The following ADGRL3 variants were observed in gnomAD, a reference collection of about 807,000 sequenced individuals.
ADGRL3 encodes calcium-independent alpha-latrotoxin receptor 3.
A neutral mutation model predicts 153.5 loss-of-function variants in ADGRL3; 62 were observed. That is an observed-to-expected ratio of 0.40 (90% CI 0.33 to 0.50). The LOEUF is 0.50. ADGRL3 is among the 20% of genes least tolerant of loss of function. The probability of loss-of-function intolerance (pLI) is 0.47; values close to 1 mark genes in which losing one functional copy is unlikely to be tolerated. For missense variants in ADGRL3, 1,641 were observed against 1,859.4 expected, an observed-to-expected ratio of 0.88 and a Z score of 2.16; for synonymous variants, 710 against 672.5, an observed-to-expected ratio of 1.06 and a Z score of -0.86.
intron 2 of ADGRL3, among the ~76,000 whole-genome samples, chr4:61,488,505 A>C (rs2098221929): frequency 6.6e-6 from 1 of 152,000 alleles, no homozygotes. Flanking sequence ...AGGGTATTGC[A>C]GGGAAGAAAT....
At chr4:61,203,912 A>T (rs546215175) in intron 1 of ADGRL3, among the ~76,000 whole-genome samples, 1 of 15,798 alleles carries the variant, frequency 6.3e-5, no homozygotes, top group African/African-American at 2.1e-4. Flanking sequence ...TGTTTCACCC[A>T]ATCTTTTTTT....
At chr4:61,305,100 G>T (rs1212082650) in intron 1 of ADGRL3, among the ~76,000 whole-genome samples, 1 of 151,842 alleles carries the variant, frequency 6.6e-6, no homozygotes, top group African/African-American at 2.4e-5. Flanking sequence ...TCATAAGCCT[G>T]GTGCCTTGCA....
In ADGRL3 at chr4:62,074,643, C is replaced by G; in HGVS notation, c.*3735C>G. The stretch of plus-strand genomic sequence containing the variant: ...TGACAGAACAATTATCTTGAAGTAA[C>G]AATAATCAGGAAAATATCTAACAAA... On this transcript the variant is annotated 3_prime_UTR_variant, in exon 27 of 27. Transcript: ENST00000683033. The G allele has an allele frequency of 6.6e-6, 1 of 151,924 alleles. No individual in the cohort carries two copies. The highest frequency in any genetic ancestry group is 1.5e-5 in the Non-Finnish European group (1 of 67,966). 9.4% of individuals were successfully genotyped at this position (151,924 alleles called of 1,614,324 possible). A position where few individuals can be genotyped will look rare whatever the true frequency, so the allele number is the denominator to read the frequency against.
At chr4:61,394,434 G>A (rs900946747) in intron 2 of ADGRL3, among the ~76,000 whole-genome samples, 1 of 151,914 alleles carries the variant, frequency 6.6e-6, no homozygotes. Flanking sequence ...GCAGTGCCCT[G>A]AGCACTGATG....
intron 10 of ADGRL3, among the ~76,000 whole-genome samples, chr4:61,895,466 A>AAATAAT (rs10603633): frequency 3.4e-4 from 51 of 148,272 alleles, no homozygotes; most frequent in South Asian, 8.7e-4. Flanking sequence ...ACTCCATCTC[A>AAATAAT]AATAATAATA....
chr4:61,435,398 T>C lies in ADGRL3; in HGVS notation c.-174+52209T>C, dbSNP rs116377344. ...AGTAAAAGTAAAGGTCTCTTCCTAA[T>C]CCTCTGCTTAAATTTGAACTTCCAC... On this transcript the variant is annotated intron_variant, in intron 2 of 26. Transcript: ENST00000683033. Among the ~76,000 whole-genome samples the C allele has an allele frequency of 2.2e-3, 330 of 152,166 alleles. 4 individuals carry two copies. The highest frequency in any genetic ancestry group is 7.6e-3 in the African/African-American group (316 of 41,554).
intron 1 of ADGRL3, among the ~76,000 whole-genome samples, chr4:61,295,027 A>G (rs1317989091): frequency 6.6e-6 from 1 of 152,160 alleles, no homozygotes; most frequent in South Asian, 2.1e-4. Flanking sequence ...AATTCCAGAA[A>G]TAAACAATTC....
intron 4 of ADGRL3, among the ~76,000 whole-genome samples, chr4:61,545,955 C>G (rs1416422287): frequency 6.6e-6 from 1 of 152,188 alleles, no homozygotes; most frequent in Non-Finnish European, 1.5e-5. Flanking sequence ...TGTGGGTCCT[C>G]TTAGTTTAAT....
chr4:61,719,113 C>T (rs2096184776), intron 6 of ADGRL3, among the ~76,000 whole-genome samples: 1 of 152,054 alleles, frequency 6.6e-6, no homozygotes, highest in African/African-American at 2.4e-5. Flanking sequence ...TTATTATTTC[C>T]TTTGTCAACT....
chr4:61,790,960 T>C (rs969912846), intron 8 of ADGRL3, among the ~76,000 whole-genome samples: 5 of 152,124 alleles, frequency 3.3e-5, no homozygotes, highest in African/African-American at 1.2e-4. Flanking sequence ...ACCCCCATGA[T>C]TCAGTTACCT....
At chr4:61,567,657 A>G (rs546098280) in intron 4 of ADGRL3, among the ~76,000 whole-genome samples, 1 of 152,270 alleles carries the variant, frequency 6.6e-6, no homozygotes, top group Non-Finnish European at 1.5e-5. Flanking sequence ...TAGTAGCCCA[A>G]AGAGACTAGG....
At chr4:61,710,990 T>C (rs2151464771) in intron 6 of ADGRL3, among the ~76,000 whole-genome samples, 1 of 152,320 alleles carries the variant, frequency 6.6e-6, no homozygotes, top group Non-Finnish European at 1.5e-5. Flanking sequence ...TAATAAATTT[T>C]CCACTTTGAT....
intron 6 of ADGRL3, among the ~76,000 whole-genome samples, chr4:61,729,564 A>G (rs528538184): frequency 2.6e-5 from 4 of 152,014 alleles, no homozygotes; most frequent in South Asian, 4.2e-4. Context: ...CATCTCTTCC[A>G]CTGAAATTGC....
chr4:61,844,511 C>A (rs2098083659), intron 9 of ADGRL3, among the ~76,000 whole-genome samples: 1 of 123,318 alleles, frequency 8.1e-6, no homozygotes, highest in Admixed American at 9.9e-5. Flanking sequence ...CATGCCATTG[C>A]ACTCCAGCCT....
At chr4:61,551,550 G>A (rs1302759149) in intron 4 of ADGRL3, among the ~76,000 whole-genome samples, 1 of 152,146 alleles carries the variant, frequency 6.6e-6, no homozygotes, top group Non-Finnish European at 1.5e-5. Context: ...TATACAAGCT[G>A]TGATTACATT....
intron 4 of ADGRL3, among the ~76,000 whole-genome samples, chr4:61,574,072 A>C (rs1271006652): frequency 6.6e-6 from 1 of 151,942 alleles, no homozygotes; most frequent in Non-Finnish European, 1.5e-5. Flanking sequence ...GGCCTTTGTC[A>C]CTCAACCTGT....
chr4:61,874,789 C>CTTTTTTTT (rs11432355), intron 9 of ADGRL3, among the ~76,000 whole-genome samples: 25 of 61,550 alleles, frequency 4.1e-4, no homozygotes, highest in East Asian at 6.3e-4. Flanking sequence ...TCAAAATGCT[C>CTTTTTTTT]TTTTTTTTTT....
At chr4:61,327,437 G>C (rs141751338) in intron 1 of ADGRL3, among the ~76,000 whole-genome samples, 2 of 151,670 alleles carry the variant, frequency 1.3e-5, no homozygotes, top group African/African-American at 4.8e-5. Flanking sequence ...GAAAAATGAA[G>C]TGCTAGGAAT....
At chr4:61,751,483 G>A (rs934389458) in intron 8 of ADGRL3, among the ~76,000 whole-genome samples, 2 of 152,096 alleles carry the variant, frequency 1.3e-5, no homozygotes, top group African/African-American at 2.4e-5. Flanking sequence ...GTAGATTTGG[G>A]CCCAATTCTG....
Sources: allele counts gnomAD v4.1 joint callset (sites outside exome capture counted in the v4.1 genomes callset), GRCh38; gene constraint gnomAD v4.1.1; transcripts MANE v1.5; gene names NCBI Gene and HGNC (gene_info 2026-07-23, HGNC 2026-07-21).